MAP6: variants seen among roughly 807,000 people sequenced by gnomAD.
MAP6 encodes the protein microtubule associated protein 6.
In MAP6, 26 loss-of-function variants were observed where a neutral mutation model predicts 42.4. That is an observed-to-expected ratio of 0.61 (90% CI 0.45 to 0.85). The LOEUF (loss-of-function observed/expected upper bound fraction) is 0.85. MAP6 is among the 40% of genes least tolerant of loss of function. The pLI, the probability that MAP6 is intolerant of heterozygous loss-of-function variation, is 0.00. For missense variants in MAP6, 966 were observed against 1,099.0 expected, an observed-to-expected ratio of 0.88 and a Z score of 1.71; for synonymous variants, 418 against 443.8, an observed-to-expected ratio of 0.94 and a Z score of 0.73.
At chr11:75,655,901 C>G (rs755736861) in intron 1 of MAP6, among the ~76,000 whole-genome samples, 1 of 152,226 alleles carries the variant, frequency 6.6e-6, no homozygotes, top group Non-Finnish European at 1.5e-5. Flanking sequence ...CCATACCTCT[C>G]TGACTCTATT....
At chr11:75,633,161 G>A (rs2135637789) in intron 1 of MAP6, among the ~76,000 whole-genome samples, 1 of 152,076 alleles carries the variant, frequency 6.6e-6, no homozygotes, top group East Asian at 1.9e-4. Context: ...CCATGTACAG[G>A]GCATTAGAAA....
At chr11:75,649,774 C>T (rs975850148) in intron 1 of MAP6, among the ~76,000 whole-genome samples, 13 of 152,066 alleles carry the variant, frequency 8.5e-5, no homozygotes, top group African/African-American at 2.4e-4. Context: ...CTCCTGCCCT[C>T]GTGATCCACC....
intron 3 of MAP6, among the ~76,000 whole-genome samples, chr11:75,595,753 A>G (rs1942568298): frequency 1.3e-5 from 1 of 76,384 alleles, no homozygotes; most frequent in South Asian, 4.8e-4. Context: ...CAGCAGCCCT[A>G]TCAGATCAGC....
At chr11:75,614,805 T>C (rs1157310470) in intron 1 of MAP6, among the ~76,000 whole-genome samples, 1 of 152,192 alleles carries the variant, frequency 6.6e-6, no homozygotes, top group African/African-American at 2.4e-5. Context: ...ATCAGAAAAT[T>C]TTCTCTTCTC....
intron 1 of MAP6, among the ~76,000 whole-genome samples, chr11:75,648,059 T>C (rs1943591132): frequency 6.6e-6 from 1 of 152,188 alleles, no homozygotes; most frequent in Admixed American, 6.5e-5. Context: ...AAAAAAGAAT[T>C]ACCTGTCAGA....
At chr11:75,621,187 G>T (rs1943103820) in intron 1 of MAP6, among the ~76,000 whole-genome samples, 2 of 151,374 alleles carry the variant, frequency 1.3e-5, no homozygotes, top group African/African-American at 2.4e-5. Context: ...ATGATAAAAA[G>T]AAATATTGCT....
intron 3 of MAP6, among the ~76,000 whole-genome samples, chr11:75,591,404 C>A (rs1197000746): frequency 6.6e-6 from 1 of 152,232 alleles, no homozygotes; most frequent in East Asian, 1.9e-4. Context: ...CGCAAGGGCA[C>A]CGTGAAATCC....
At chr11:75,601,604 T>C (rs964359655) in intron 3 of MAP6, among the ~76,000 whole-genome samples, 1 of 152,044 alleles carries the variant, frequency 6.6e-6, no homozygotes, top group Non-Finnish European at 1.5e-5. Context: ...AGAGGATCTG[T>C]AGTGTTGCCT....
intron 1 of MAP6, among the ~76,000 whole-genome samples, chr11:75,658,936 C>T (rs1306477750): frequency 6.6e-6 from 1 of 152,178 alleles, no homozygotes; most frequent in Non-Finnish European, 1.5e-5. Context: ...TCCACCATGC[C>T]CTGCACAGAT....
intron 1 of MAP6, among the ~76,000 whole-genome samples, chr11:75,615,496 A>G (rs763245469): frequency 5.3e-5 from 8 of 152,216 alleles, no homozygotes; most frequent in African/African-American, 9.7e-5. Context: ...TGTGCTCCAG[A>G]CACGGAGCTA....
At chr11:75,652,541 A>T (rs1436095109) in intron 1 of MAP6, among the ~76,000 whole-genome samples, 1 of 152,162 alleles carries the variant, frequency 6.6e-6, no homozygotes, top group African/African-American at 2.4e-5. Context: ...CTGCTCAAAA[A>T]GCATGTGACA....
intron 3 of MAP6, among the ~76,000 whole-genome samples, chr11:75,595,915 A>T (rs1322093989): frequency 2.0e-5 from 3 of 151,898 alleles, no homozygotes; most frequent in African/African-American, 7.3e-5. Flanking sequence ...ACATTTACTA[A>T]ATGCCTACTA....
At chr11:75,658,909 C>T (rs972820350) in intron 1 of MAP6, among the ~76,000 whole-genome samples, 1 of 152,162 alleles carries the variant, frequency 6.6e-6, no homozygotes, top group Non-Finnish European at 1.5e-5. Flanking sequence ...CAGACTTAAC[C>T]CCTCTCTTCT....
chr11:75,665,881 A>C (rs889795262), intron 1 of MAP6, among the ~76,000 whole-genome samples: 2 of 152,160 alleles, frequency 1.3e-5, no homozygotes, highest in African/African-American at 4.8e-5. Context: ...ACCAAGAGAG[A>C]GATGCCAAGT....
At chr11:75,641,002 A>C (rs1943459658) in intron 1 of MAP6, among the ~76,000 whole-genome samples, 1 of 152,214 alleles carries the variant, frequency 6.6e-6, no homozygotes, top group Admixed American at 6.5e-5. Flanking sequence ...CCAAAGGATT[A>C]TAAAACATGC....
intron 1 of MAP6, among the ~76,000 whole-genome samples, chr11:75,615,728 A>C (rs1328452896): frequency 6.6e-6 from 1 of 152,208 alleles, no homozygotes; most frequent in Non-Finnish European, 1.5e-5. Context: ...AGACTTGGAC[A>C]AAGTAGCATT....
At chr11:75,588,474 G>A (rs1379937235) in intron 3 of MAP6, among the ~76,000 whole-genome samples, 1 of 152,088 alleles carries the variant, frequency 6.6e-6, no homozygotes, top group Non-Finnish European at 1.5e-5. Flanking sequence ...TACTGTAGCT[G>A]GACTCGGAGT....
intron 1 of MAP6, among the ~76,000 whole-genome samples, chr11:75,636,764 C>G (rs918296788): frequency 6.6e-6 from 1 of 152,162 alleles, no homozygotes; most frequent in Admixed American, 6.5e-5. Flanking sequence ...CAATCCTAAG[C>G]CCACTTAGCC....
intron 1 of MAP6, among the ~76,000 whole-genome samples, chr11:75,618,890 C>G (rs79263554): frequency 0.035 from 5,323 of 152,334 alleles, 130 homozygotes; most frequent in Non-Finnish European, 0.055. Context: ...CCCTGGGACC[C>G]CTCGGCCACT....
Sources: allele counts gnomAD v4.1 joint callset (sites outside exome capture counted in the v4.1 genomes callset), GRCh38; gene constraint gnomAD v4.1.1; transcripts MANE v1.5; gene names NCBI Gene and HGNC (gene_info 2026-07-23, HGNC 2026-07-21).